Variants in OR2C1 observed in about 807,000 individuals in gnomAD.
OR2C1 encodes olfactory receptor 2C1.
For missense variants in OR2C1, 468 were observed against 388.3 expected (o/e 1.21, Z -1.73); for synonymous variants, 209 against 167.3 (o/e 1.25, Z -1.92).
At chr16:3,341,123 C>T in the OR2C1 span, among the ~76,000 whole-genome samples, 2 of 151,928 alleles carry the variant, frequency 1.3e-5, no homozygotes, top group Non-Finnish European at 2.9e-5. Flanking sequence ...GTTTTTCTTT[C>T]AGCAGTGTTT....
the OR2C1 span, among the ~76,000 whole-genome samples, chr16:3,350,355 C>A: frequency 1.5e-4 from 23 of 151,238 alleles, no homozygotes; most frequent in Non-Finnish European, 8.8e-5. Flanking sequence ...GCGCCCAGCC[C>A]AAAGGGAAAT....
chr16:3,332,637 G>A, the OR2C1 span, among the ~76,000 whole-genome samples: 1,564 of 151,872 alleles, frequency 0.01, 12 homozygotes, highest in Non-Finnish European at 0.017. Context: ...TTCACTTACA[G>A]TAATGACTTT....
At chr16:3,323,229 T>C in the OR2C1 span, 1 of 757,038 alleles carries the variant, frequency 1.3e-6, no homozygotes, top group Non-Finnish European at 2.4e-6. Flanking sequence ...TTCACCCCAA[T>C]AGCCAGATGT....
At chr16:3,333,417 G>C in the OR2C1 span, among the ~76,000 whole-genome samples, 1 of 151,524 alleles carries the variant, frequency 6.6e-6, no homozygotes, top group Non-Finnish European at 1.5e-5. Flanking sequence ...CTCACTGCAA[G>C]CTCCGCCTCC....
chr16:3,332,935 T>C, the OR2C1 span, among the ~76,000 whole-genome samples: 2 of 152,028 alleles, frequency 1.3e-5, no homozygotes, highest in Admixed American at 1.3e-4. Context: ...CTATTTTTAG[T>C]TTTTTTGAGG....
chr16:3,334,369 C>G, the OR2C1 span, among the ~76,000 whole-genome samples: 4 of 151,414 alleles, frequency 2.6e-5, no homozygotes, highest in South Asian at 6.3e-4. Flanking sequence ...ATCTCTTGAC[C>G]TTGTGATCCG....
At chr16:3,331,345 C>T in the OR2C1 span, among the ~76,000 whole-genome samples, 1 of 151,380 alleles carries the variant, frequency 6.6e-6, no homozygotes, top group South Asian at 2.1e-4. Context: ...GTTGCCTGTT[C>T]ACTCTGATGG....
In OR2C1 at chr16:3,356,287, TG is replaced by T; in HGVS notation, c.349del (p.Val117Ter). On this transcript the variant is annotated frameshift_variant, in exon 1 of 1. Coordinates refer to ENST00000304936, the MANE Select transcript of OR2C1 (RefSeq NM_012368.3). LOFTEE classifies it low-confidence loss of function (END_TRUNC). ...GGGGCCACCGAGTGCATCCTGCTGG[TG>T]GTGATGGCATTTGACCGCTACGTGG... ...WLGATECILLVVMAFDRYVAV... is the reference protein window; with the variant it reads ...WLGATECILLXVMAFDRYVAV... The T allele has an allele frequency of 1.2e-6, 2 of 1,613,674 alleles. No individual in the cohort carries two copies. The highest frequency in any genetic ancestry group is 1.7e-6 in the Non-Finnish European group (2 of 1,179,986).
the OR2C1 span, among the ~76,000 whole-genome samples, chr16:3,329,748 CT>C: frequency 5.8e-3 from 366 of 62,592 alleles, 1 homozygote; most frequent in African/African-American, 0.026. Context: ...GGCGCCCGGC[CT>C]TTTTTTTTTT....
chr16:3,348,740 G>A, the OR2C1 span, among the ~76,000 whole-genome samples: 1 of 152,142 alleles, frequency 6.6e-6, no homozygotes, highest in Non-Finnish European at 1.5e-5. Flanking sequence ...GTAGTTTCAG[G>A]GTAATTCATC....
In OR2C1 at chr16:3,355,938, G is replaced by C. The variant is rs1295690126; in HGVS notation, c.-3G>C. On this transcript the variant is annotated 5_prime_UTR_variant, in exon 1 of 1. Coordinates refer to ENST00000304936, the MANE Select transcript of OR2C1 (RefSeq NM_012368.3). ...TTCATCAAGTGACTGAAGACAACCA[G>C]TGATGGACGGGGTGAATGATAGCTC... 6.3e-7 allele frequency: 1 copy of C among 1,595,918 alleles called. No individual in the cohort carries two copies. Among genetic ancestry groups the C allele is most frequent in the Admixed American group, 1.7e-5 (1 of 58,450 alleles).
chr16:3,329,634 AG>A, the OR2C1 span, among the ~76,000 whole-genome samples: 1 of 150,336 alleles, frequency 6.7e-6, no homozygotes, highest in African/African-American at 2.5e-5. Context: ...TATTTTTAGT[AG>A]AGATGGGGTT....
At chr16:3,337,758 C>G in the OR2C1 span, among the ~76,000 whole-genome samples, 2 of 152,220 alleles carry the variant, frequency 1.3e-5, no homozygotes, top group African/African-American at 2.4e-5. Flanking sequence ...TGGTCCCATC[C>G]TTTGTTCATT....
chr16:3,326,852 A>G, the OR2C1 span, among the ~76,000 whole-genome samples: 2 of 152,196 alleles, frequency 1.3e-5, no homozygotes, highest in African/African-American at 4.8e-5. Context: ...TGAAATCAGC[A>G]TCATAGAAAG....
At chr16:3,338,225 G>A in the OR2C1 span, among the ~76,000 whole-genome samples, 3 of 152,140 alleles carry the variant, frequency 2.0e-5, no homozygotes, top group East Asian at 1.9e-4. Flanking sequence ...GAGATTTCAG[G>A]GTTGGGAATG....
In OR2C1 at chr16:3,356,749, A is replaced by T. The variant is rs201420802; in HGVS notation, c.809A>T (p.Gln270Leu). 1.5e-4 allele frequency: 238 copies of T among 1,613,478 alleles called. No individual in the cohort carries two copies. The highest frequency in any genetic ancestry group is 1.9e-4 in the Non-Finnish European group (225 of 1,179,704). Residue 270 changes from glutamine to leucine, a missense_variant, in exon 1 of 1, where the codon CAG (glutamine) becomes CTG (leucine). By Grantham distance (113) the Gln-to-Leu change is moderately radical. Transcript: ENST00000304936. ...CCGGCCAAGAACAGCAAACAGGACC[A>T]GGGCAAGTTCATTTCCCTGTTCTAC... ...LLPAKNSKQD[Q>L]GKFISLFYSL... is the part of the protein sequence containing the mutation.
At chr16:3,335,738 A>G in the OR2C1 span, among the ~76,000 whole-genome samples, 1 of 151,922 alleles carries the variant, frequency 6.6e-6, no homozygotes, top group African/African-American at 2.4e-5. Flanking sequence ...TGTTGGCAAG[A>G]CTGGGCTACT....
the OR2C1 span, among the ~76,000 whole-genome samples, chr16:3,327,901 C>T: frequency 6.6e-6 from 1 of 151,964 alleles, no homozygotes; most frequent in Non-Finnish European, 1.5e-5. Context: ...ATTAAAATTT[C>T]ATTATAGTTC....
At chr16:3,351,932 T>A (rs2030580113), upstream of OR2C1, among the ~76,000 whole-genome samples, 1 of 151,048 alleles carries the variant, frequency 6.6e-6, no homozygotes, top group Non-Finnish European at 1.5e-5. Flanking sequence ...CTGGGCTTAT[T>A]AGAACTGCCA....
Sources: allele counts gnomAD v4.1 joint callset (sites outside exome capture counted in the v4.1 genomes callset), GRCh38; gene constraint gnomAD v4.1.1; transcripts MANE v1.5; gene names NCBI Gene and HGNC (gene_info 2026-07-23, HGNC 2026-07-21).